Variants in SSBP2 observed in about 807,000 individuals in gnomAD.
SSBP2 encodes the protein single stranded DNA binding protein 2.
In SSBP2, 17 loss-of-function variants were observed where a neutral mutation model predicts 61.8. The ratio of observed to expected loss-of-function variants is 0.28; its 90% confidence interval spans 0.19 to 0.41. The LOEUF is 0.41. SSBP2 is among the 10% of genes least tolerant of loss of function. The pLI is 1.00. For missense variants in SSBP2, 310 were observed against 458.7 expected (o/e 0.68, Z 2.96); for synonymous variants, 139 against 141.3 (o/e 0.98, Z 0.12).
At chr5:81,425,022 T>G (rs1761864306) in intron 16 of SSBP2, among the ~76,000 whole-genome samples, 2 of 152,234 alleles carry the variant, frequency 1.3e-5, no homozygotes, top group Admixed American at 1.3e-4. Flanking sequence ...GTCAACAGCA[T>G]TACAGTTTGG....
At chr5:81,525,594 T>A (rs1278925872) in intron 4 of SSBP2, among the ~76,000 whole-genome samples, 1 of 152,036 alleles carries the variant, frequency 6.6e-6, no homozygotes, top group Non-Finnish European at 1.5e-5. Context: ...TGGATTCCCT[T>A]GATATCAACA....
chr5:81,622,911 C>T (rs910994743), intron 3 of SSBP2, among the ~76,000 whole-genome samples: 2 of 152,144 alleles, frequency 1.3e-5, no homozygotes, highest in Non-Finnish European at 2.9e-5. Context: ...ACATTATTTC[C>T]TTCTCAATTT....
At chr5:81,693,527 AGAC>A (rs1753372298) in intron 1 of SSBP2, among the ~76,000 whole-genome samples, 1 of 152,248 alleles carries the variant, frequency 6.6e-6, no homozygotes, top group Non-Finnish European at 1.5e-5. Flanking sequence ...AGATCTGAAT[AGAC>A]ATTTCTCAAA....
chr5:81,567,813 T>C (rs540100430), intron 4 of SSBP2, among the ~76,000 whole-genome samples: 1 of 152,350 alleles, frequency 6.6e-6, no homozygotes, highest in South Asian at 2.1e-4. Flanking sequence ...GGAGATCATT[T>C]TGGAGCTTCA....
rs1002395790 is a variant in SSBP2 at position 81,520,639 on chromosome 5, AT to A, written c.283-6923del. Among the ~76,000 whole-genome samples, 300 of 152,006 alleles carry A rather than the reference AT, an allele frequency of 2.0e-3. 3 individuals are homozygous for A. Among genetic ancestry groups the A allele is most frequent in the African/African-American group, 7.0e-3 (290 of 41,486 alleles). ...TTTGTATTTAGAAATTTATTAAACA[AT>A]TTTTTTTGTGGTCTAATCAATGATT... On this transcript the variant is annotated intron_variant, in intron 4 of 16. Transcript: ENST00000320672.
intron 13 of SSBP2, 107 bp from the exon 14 acceptor site, chr5:81,440,743 C>T: frequency 1.3e-6 from 1 of 763,824 alleles, no homozygotes; most frequent in Non-Finnish European, 2.1e-6. Context: ...CTTATTTTTA[C>T]TTTCAAGCTA....
chr5:81,682,064 A>G (rs1057270873), intron 1 of SSBP2, among the ~76,000 whole-genome samples: 2 of 152,220 alleles, frequency 1.3e-5, no homozygotes, highest in Non-Finnish European at 2.9e-5. Flanking sequence ...CATTGAATCA[A>G]TAATTAATAA....
At chr5:81,424,676 A>G (rs1231592633) in intron 16 of SSBP2, among the ~76,000 whole-genome samples, 1 of 152,228 alleles carries the variant, frequency 6.6e-6, no homozygotes, top group Non-Finnish European at 1.5e-5. Context: ...ATAAGGGGAA[A>G]TAACAAAATT....
chr5:81,720,855 C>T (rs947494205), intron 1 of SSBP2, among the ~76,000 whole-genome samples: 15 of 152,182 alleles, frequency 9.9e-5, no homozygotes, highest in African/African-American at 3.4e-4. Context: ...AACTGTTACA[C>T]ACATTTTCCT....
At chr5:81,478,001 A>T (rs1357351007) in intron 6 of SSBP2, among the ~76,000 whole-genome samples, 1 of 152,134 alleles carries the variant, frequency 6.6e-6, no homozygotes, top group Non-Finnish European at 1.5e-5. Context: ...GGAGACTAAG[A>T]CCAACATCTC....
chr5:81,461,879 G>A (rs1330756480), intron 9 of SSBP2, among the ~76,000 whole-genome samples: 2 of 152,114 alleles, frequency 1.3e-5, no homozygotes, highest in African/African-American at 2.4e-5. Flanking sequence ...AAGGTCTCTT[G>A]TCCTCATACT....
At chr5:81,604,492 G>A (rs16898986) in intron 4 of SSBP2, among the ~76,000 whole-genome samples, 1,810 of 152,158 alleles carry the variant, frequency 0.012, 35 homozygotes, top group African/African-American at 0.042. Context: ...GAAAATGGGA[G>A]TGAGGTACTT....
chr5:81,651,162 T>C (rs537757803), intron 1 of SSBP2, among the ~76,000 whole-genome samples: 1 of 152,264 alleles, frequency 6.6e-6, no homozygotes, highest in South Asian at 2.1e-4. Flanking sequence ...TAATGATATC[T>C]TGGACCAATG....
chr5:81,713,734 G>A (rs1037436728), intron 1 of SSBP2, among the ~76,000 whole-genome samples: 2 of 152,016 alleles, frequency 1.3e-5, no homozygotes, highest in Non-Finnish European at 2.9e-5. Flanking sequence ...CATTTAAGGA[G>A]AGCCTGAAAT....
chr5:81,470,185 G>C (rs911412539), intron 8 of SSBP2, among the ~76,000 whole-genome samples: 2 of 151,794 alleles, frequency 1.3e-5, no homozygotes, highest in Admixed American at 6.6e-5. Context: ...CAGATTTCTA[G>C]AGAAGCTAAA....
chr5:81,604,260 T>C (rs114638684), intron 4 of SSBP2, among the ~76,000 whole-genome samples: 2,567 of 151,644 alleles, frequency 0.017, 64 homozygotes, highest in African/African-American at 0.057. Flanking sequence ...CTTTTCTTTT[T>C]TTTTTTTTTC....
intron 4 of SSBP2, among the ~76,000 whole-genome samples, chr5:81,514,650 T>C (rs568241918): frequency 1.3e-5 from 2 of 152,140 alleles, no homozygotes; most frequent in Non-Finnish European, 2.9e-5. Context: ...AAGCAACTCT[T>C]GTATCTAGTG....
intron 4 of SSBP2, among the ~76,000 whole-genome samples, chr5:81,585,942 C>T (rs953241938): frequency 1.7e-4 from 26 of 152,080 alleles, no homozygotes; most frequent in African/African-American, 6.3e-4. Context: ...AACATCCTCC[C>T]GGTTCATCCA....
At chr5:81,639,360 A>AT (rs1339574438) in intron 2 of SSBP2, among the ~76,000 whole-genome samples, 2 of 152,226 alleles carry the variant, frequency 1.3e-5, no homozygotes, top group African/African-American at 2.4e-5. Context: ...TTTTGCATGG[A>AT]TGTCTGAATA....
Sources: allele counts gnomAD v4.1 joint callset (sites outside exome capture counted in the v4.1 genomes callset), GRCh38; gene constraint gnomAD v4.1.1; transcripts MANE v1.5; gene names NCBI Gene and HGNC (gene_info 2026-07-23, HGNC 2026-07-21).